The following MYO16 variants were observed in gnomAD, a reference collection of about 807,000 sequenced individuals.
MYO16 encodes the protein unconventional myosin-XVI.
A neutral mutation model predicts 205.3 loss-of-function variants in MYO16; 94 were observed. The ratio of observed to expected loss-of-function variants is 0.46; its 90% CI spans 0.39 to 0.54. MYO16 has a LOEUF of 0.54. Among genes scored for constraint, MYO16 ranks in the 20% least tolerant of loss-of-function variants. The pLI, the probability that MYO16 is intolerant of heterozygous loss-of-function variation, is 0.00. For synonymous variants in MYO16, 988 were observed against 954.0 expected, an observed-to-expected ratio of 1.04 and a Z score of -0.66; for missense variants, 2,315 against 2,387.5, an observed-to-expected ratio of 0.97 and a Z score of 0.63.
intron 4 of MYO16, among the ~76,000 whole-genome samples, chr13:108,759,385 T>G (rs919189562): frequency 3.9e-5 from 6 of 152,256 alleles, no homozygotes; most frequent in African/African-American, 1.4e-4. Context: ...TTTGTCTTGT[T>G]GGCATGTGTT....
intron 6 of MYO16, among the ~76,000 whole-genome samples, chr13:108,795,223 T>C (rs953039334): frequency 6.6e-6 from 1 of 151,860 alleles, no homozygotes; most frequent in African/African-American, 2.4e-5. Context: ...ATGGAATCTT[T>C]CCCTGTCACC....
At chr13:108,550,465 G>A in the MYO16 span, among the ~76,000 whole-genome samples, 68 of 152,294 alleles carry the variant, frequency 4.5e-4, no homozygotes, top group African/African-American at 1.5e-3. Flanking sequence ...CTTAAAGAAA[G>A]TATGAAAGTA....
chr13:108,925,511 A>G (rs1450667003), intron 16 of MYO16, among the ~76,000 whole-genome samples: 1 of 152,198 alleles, frequency 6.6e-6, no homozygotes, highest in Non-Finnish European at 1.5e-5. Flanking sequence ...ATTTTATTGC[A>G]AATCTTTAAT....
chr13:109,009,703 C>A (rs1053565772), intron 22 of MYO16, among the ~76,000 whole-genome samples: 4 of 152,156 alleles, frequency 2.6e-5, no homozygotes, highest in African/African-American at 9.7e-5. Context: ...AAAACAGACA[C>A]AATTCAGCTA....
chr13:108,812,777 G>A (rs772193871), intron 7 of MYO16, among the ~76,000 whole-genome samples: 6 of 152,204 alleles, frequency 3.9e-5, no homozygotes, highest in South Asian at 4.2e-4. Context: ...CCTCATGAAA[G>A]GATTAATACG....
chr13:108,960,478 T>A (rs1246628179), intron 17 of MYO16, among the ~76,000 whole-genome samples: 1 of 152,198 alleles, frequency 6.6e-6, no homozygotes, highest in Non-Finnish European at 1.5e-5. Flanking sequence ...TTCTTTTCAA[T>A]GCTCTCACTT....
intron 1 of MYO16, among the ~76,000 whole-genome samples, chr13:108,636,359 TTTTTTTTTTTTGTGTGTGTGTG>T (rs1169637240): frequency 4.1e-5 from 4 of 96,940 alleles, no homozygotes; most frequent in African/African-American, 1.7e-4. Context: ...TTTTTTTTTT[TTTTTTTTTTTTGTGTGTGTGTG>T]TGTGTGTGTG....
rs886967572 is a variant in MYO16, at chr13:108,986,659, G to A, written c.2370-5717G>A. ...AAAAAAAAAAAAAGATAGTATTCAG[G>A]CTTTTAAAGTCTGAGTGTGGCTTTC... On this transcript the variant is annotated intron_variant, in intron 20 of 34. Transcript: ENST00000457511. 2.7e-5 allele frequency among the ~76,000 whole-genome samples: 4 copies of A among 150,622 alleles called. No homozygotes were observed. The South Asian group carries it at 8.4e-4, about 32-fold the overall frequency.
intron 12 of MYO16, among the ~76,000 whole-genome samples, chr13:108,874,628 C>T (rs1316170586): frequency 1.3e-5 from 2 of 151,612 alleles, no homozygotes; most frequent in East Asian, 1.9e-4. Context: ...AGCTCCAGAG[C>T]GAATGCTTGG....
In MYO16 at chr13:108,957,674, T is replaced by A; in HGVS notation, c.1926-14T>A. ...AAGCCAGGCGATAACGTTACGTGCC[T>A]TGTCTCCTAACAGGTATTTGAACCA... On this transcript the variant is annotated splice_polypyrimidine_tract_variant and intron_variant, in intron 16 of 34. Coordinates refer to ENST00000457511, the MANE Select transcript of MYO16 (RefSeq NM_001198950.3). 1 of 1,575,918 alleles carries A rather than the reference T, an allele frequency of 6.3e-7. No individual in the cohort carries two copies. The highest frequency in any genetic ancestry group is 1.3e-5 in the African/African-American group (1 of 74,364).
At chr13:109,182,986 A>T (rs2139924172) in intron 34 of MYO16, among the ~76,000 whole-genome samples, 1 of 152,370 alleles carries the variant, frequency 6.6e-6, no homozygotes, top group African/African-American at 2.4e-5. Context: ...ATACGACATC[A>T]TGGAATTCCA....
At chr13:108,998,842 A>G (rs911688320) in intron 21 of MYO16, among the ~76,000 whole-genome samples, 7 of 152,262 alleles carry the variant, frequency 4.6e-5, no homozygotes, top group Admixed American at 3.9e-4. Context: ...TATGGCTTCT[A>G]TGTACATGCT....
intron 32 of MYO16, among the ~76,000 whole-genome samples, chr13:109,149,825 A>T (rs1311441585): frequency 6.6e-6 from 1 of 152,148 alleles, no homozygotes; most frequent in Non-Finnish European, 1.5e-5. Context: ...ATAGACTAGG[A>T]TTATTCCTCA....
At chr13:109,056,231 G>A (rs1370866422) in intron 27 of MYO16, among the ~76,000 whole-genome samples, 3 of 152,126 alleles carry the variant, frequency 2.0e-5, no homozygotes, top group African/African-American at 7.2e-5. Flanking sequence ...ACAAGACAGT[G>A]CACTCATTCC....
At chr13:108,895,220 T>G (rs1192842619) in intron 14 of MYO16, among the ~76,000 whole-genome samples, 1 of 151,964 alleles carries the variant, frequency 6.6e-6, no homozygotes, top group Non-Finnish European at 1.5e-5. Context: ...AAAAAAAAAG[T>G]CAATAAAATT....
chr13:109,186,907 T>C (rs1164448645), intron 34 of MYO16, among the ~76,000 whole-genome samples: 2 of 152,206 alleles, frequency 1.3e-5, no homozygotes, highest in Admixed American at 1.3e-4. Context: ...AAGTGCTAAG[T>C]TTCTGCTCAT....
chr13:108,721,222 A>C (rs901115044), intron 3 of MYO16, among the ~76,000 whole-genome samples: 2 of 152,222 alleles, frequency 1.3e-5, no homozygotes, highest in Non-Finnish European at 2.9e-5. Flanking sequence ...CATTCTAACC[A>C]CACGGTCAAA....
intron 27 of MYO16, among the ~76,000 whole-genome samples, chr13:109,083,459 T>G (rs1455379730): frequency 1.4e-5 from 2 of 147,302 alleles, no homozygotes; most frequent in Middle Eastern, 3.4e-3. Flanking sequence ...AGGGTTATTA[T>G]GAATTGTCCA....
At chr13:108,923,572 G>A (rs541382573) in intron 16 of MYO16, among the ~76,000 whole-genome samples, 44 of 152,330 alleles carry the variant, frequency 2.9e-4, no homozygotes, top group African/African-American at 1.0e-3. Flanking sequence ...TGGCCAACCC[G>A]CTGGCCAGCG....
Sources: gnomAD v4.1 joint callset for allele counts (sites outside exome capture counted in the v4.1 genomes callset) on GRCh38, gnomAD v4.1.1 for gene constraint, MANE v1.5 for transcripts, NCBI Gene and HGNC (gene_info 2026-07-23, HGNC 2026-07-21) for gene names.